PLCXD3: variants seen among roughly 807,000 people sequenced by gnomAD.
The protein encoded by PLCXD3 is phosphatidylinositol specific phospholipase C X domain containing 3, also known as PI-PLC X domain-containing protein 3.
Under a neutral mutation model 25.5 loss-of-function variants are expected in PLCXD3, and 19 were observed. The ratio of observed to expected loss-of-function variants is 0.75; its 90% CI spans 0.52 to 1.09. The LOEUF (loss-of-function observed/expected upper bound fraction) is 1.09, where lower values mean the gene tolerates loss of function less well. Among genes scored for constraint, PLCXD3 ranks in the 50% least tolerant of loss-of-function variants. The probability of loss-of-function intolerance (pLI) is 0.00; values close to 1 mark genes in which losing one functional copy is unlikely to be tolerated. For missense variants in PLCXD3, 411 were observed against 388.1 expected, an observed-to-expected ratio of 1.06 and a Z score of -0.50; for synonymous variants, 174 against 137.6, an observed-to-expected ratio of 1.26 and a Z score of -1.85.
chr5:41,455,260 T>C (rs1186040899), intron 1 of PLCXD3, among the ~76,000 whole-genome samples: 1 of 151,992 alleles, frequency 6.6e-6, no homozygotes, highest in Non-Finnish European at 1.5e-5. Context: ...TTGAGGCATG[T>C]AGCTCATGGT....
At chr5:41,416,232 G>A (rs1194828568) in intron 1 of PLCXD3, among the ~76,000 whole-genome samples, 1 of 152,042 alleles carries the variant, frequency 6.6e-6, no homozygotes, top group Non-Finnish European at 1.5e-5. Flanking sequence ...AGGGCAAGAT[G>A]AAGGAGGGTG....
rs186754969 is a variant in PLCXD3 at position 41,362,849 on chromosome 5, C to T, written c.812+18977G>A. 6.0e-5 allele frequency among the ~76,000 whole-genome samples: 9 copies of T among 149,076 alleles called. No individual in the cohort carries two copies. The East Asian group carries it at 1.8e-3, about 30-fold the overall frequency. On this transcript the variant is annotated intron_variant, in intron 2 of 2. Coordinates refer to ENST00000377801, the MANE Select transcript of PLCXD3 (RefSeq NM_001005473.3). ...TGGTTTAGGGTCATTCTTTAATAAT[C>T]AACTACCAGTAACAAGTCGAATCTC...
intron 2 of PLCXD3, among the ~76,000 whole-genome samples, chr5:41,365,691 G>C (rs185547427): frequency 6.6e-6 from 1 of 152,082 alleles, no homozygotes; most frequent in Non-Finnish European, 1.5e-5. Context: ...AAAGAAATTA[G>C]GATTCTCTAA....
chr5:41,409,665 A>G lies in PLCXD3; in HGVS notation c.104-27131T>C, dbSNP rs143791083. On this transcript the variant is annotated intron_variant, in intron 1 of 2. Coordinates refer to ENST00000377801, the MANE Select transcript of PLCXD3 (RefSeq NM_001005473.3). ...TCCCCACTAGCATTTAAATTCCATG[A>G]GAATTAGTATAGAATCTGTCTTGTT... Among the ~76,000 whole-genome samples, 325 of 152,278 alleles carry G rather than the reference A, an allele frequency of 2.1e-3. 2 individuals carry two copies. The highest frequency in any genetic ancestry group is 7.7e-3 in the African/African-American group (318 of 41,558).
chr5:41,370,599 T>C (rs773289540), intron 2 of PLCXD3, among the ~76,000 whole-genome samples: 4 of 152,166 alleles, frequency 2.6e-5, no homozygotes, highest in Non-Finnish European at 4.4e-5. Context: ...TTGGCTTATA[T>C]CACCTCACTC....
intron 1 of PLCXD3, among the ~76,000 whole-genome samples, chr5:41,400,322 C>A (rs951859683): frequency 1.3e-5 from 2 of 152,002 alleles, no homozygotes; most frequent in African/African-American, 4.8e-5. Context: ...TATGATCTAG[C>A]CATCCCACTG....
At chr5:41,351,040 T>C (rs186333866) in intron 2 of PLCXD3, among the ~76,000 whole-genome samples, 1 of 152,342 alleles carries the variant, frequency 6.6e-6, no homozygotes, top group Admixed American at 6.5e-5. Context: ...AGTATTAAAT[T>C]ATGTTTTATA....
At chr5:41,412,045 A>G (rs1161517823) in intron 1 of PLCXD3, among the ~76,000 whole-genome samples, 1 of 151,784 alleles carries the variant, frequency 6.6e-6, no homozygotes, top group African/African-American at 2.4e-5. Context: ...CACAGACACA[A>G]TCACATTTCT....
At chr5:41,403,398 G>GTTTTTTTTGTTTGTTTTGTTT (rs764950342) in intron 1 of PLCXD3, among the ~76,000 whole-genome samples, 1 of 33,988 alleles carries the variant, frequency 2.9e-5, no homozygotes, top group African/African-American at 1.1e-4. Context: ...TGACTTATTT[G>GTTTTTTTTGTTTGTTTTGTTT]TTGTTTTTTT....
chr5:41,483,942 C>T (rs1561286569), intron 1 of PLCXD3, among the ~76,000 whole-genome samples: 3 of 152,068 alleles, frequency 2.0e-5, no homozygotes, highest in African/African-American at 7.2e-5. Context: ...TTGGTATTCT[C>T]ATACATATTT....
chr5:41,432,521 A>G (rs1389067031), intron 1 of PLCXD3, among the ~76,000 whole-genome samples: 1 of 152,176 alleles, frequency 6.6e-6, no homozygotes, highest in Non-Finnish European at 1.5e-5. Context: ...GTTTAGTGAT[A>G]AACTGCATGT....
At chr5:41,319,051 C>T (rs1743382999) in intron 2 of PLCXD3, among the ~76,000 whole-genome samples, 1 of 152,158 alleles carries the variant, frequency 6.6e-6, no homozygotes, top group South Asian at 2.1e-4. Context: ...GGTTTCAATT[C>T]AGCAAGAGGA....
intron 2 of PLCXD3, among the ~76,000 whole-genome samples, chr5:41,328,410 G>C (rs979769913): frequency 1.3e-5 from 2 of 152,186 alleles, no homozygotes; most frequent in African/African-American, 4.8e-5. Flanking sequence ...TCCAAAGACA[G>C]AAAAGAGGGG....
At chr5:41,486,647 G>A (rs536057341) in intron 1 of PLCXD3, among the ~76,000 whole-genome samples, 38 of 152,166 alleles carry the variant, frequency 2.5e-4, no homozygotes, top group Non-Finnish European at 4.9e-4. Flanking sequence ...TAGAGAGGCA[G>A]AGAAAAAGGC....
chr5:41,500,005 T>C (rs960794968), intron 1 of PLCXD3, among the ~76,000 whole-genome samples: 8 of 151,814 alleles, frequency 5.3e-5, no homozygotes, highest in African/African-American at 1.9e-4. Flanking sequence ...TGGGAAATAG[T>C]ATGGCTATTT....
Position 41,319,791 on chromosome 5 carries a change from A to G in PLCXD3, c.813-6021T>C, listed in dbSNP as rs187834630. Among the ~76,000 whole-genome samples, 203 of 152,266 alleles carry G rather than the reference A, an allele frequency of 1.3e-3. 1 individual carries two copies. The highest frequency in any genetic ancestry group is 0.01 in the Middle Eastern group (3 of 294). On this transcript the variant is annotated intron_variant, in intron 2 of 2. Transcript: ENST00000377801. ...TGGTAATAAATGCAATTGAAATGAAAAAAATACAAAAGATCAATAAAACAA... is the reference window on the plus strand; with the variant it reads ...TGGTAATAAATGCAATTGAAATGAAGAAAATACAAAAGATCAATAAAACAA...
At chr5:41,343,970 T>G (rs973391503) in intron 2 of PLCXD3, among the ~76,000 whole-genome samples, 8 of 152,018 alleles carry the variant, frequency 5.3e-5, no homozygotes, top group African/African-American at 1.9e-4. Flanking sequence ...ACTGTATTGC[T>G]TTTTTTTCTT....
chr5:41,341,445 T>C (rs1744145939), intron 2 of PLCXD3, among the ~76,000 whole-genome samples: 1 of 152,178 alleles, frequency 6.6e-6, no homozygotes, highest in African/African-American at 2.4e-5. Context: ...ATCACGACTA[T>C]GAATACTCAT....
intron 1 of PLCXD3, among the ~76,000 whole-genome samples, chr5:41,501,120 T>C (rs1465240933): frequency 6.6e-6 from 1 of 152,042 alleles, no homozygotes; most frequent in Non-Finnish European, 1.5e-5. Context: ...TGTAAAATTG[T>C]GCAGCCTCTA....
Sources: gnomAD v4.1 joint callset for allele counts (sites outside exome capture counted in the v4.1 genomes callset) on GRCh38, gnomAD v4.1.1 for gene constraint, MANE v1.5 for transcripts, NCBI Gene and HGNC (gene_info 2026-07-23, HGNC 2026-07-21) for gene names.